The following SRM variants were observed in gnomAD, a reference collection of about 807,000 sequenced individuals.
The protein encoded by SRM is spermidine synthase.
Under a neutral mutation model 39.3 loss-of-function variants are expected in SRM, and 14 were observed. The observed-to-expected ratio is 0.36, with a 90% CI of 0.24 to 0.56. The LOEUF (loss-of-function observed/expected upper bound fraction) is 0.56. SRM is among the 20% of genes least tolerant of loss of function. The pLI, the probability that SRM is intolerant of heterozygous loss-of-function variation, is 0.86. For missense variants in SRM, 244 were observed against 409.2 expected, an observed-to-expected ratio of 0.60 and a Z score of 3.48; for synonymous variants, 195 against 173.1, an observed-to-expected ratio of 1.13 and a Z score of -0.99.
At chr1:11,057,847 C>T (rs529260621) in intron 3 of SRM, among the ~76,000 whole-genome samples, 7 of 152,070 alleles carry the variant, frequency 4.6e-5, no homozygotes, top group African/African-American at 9.6e-5. Context: ...GGCGAGATCT[C>T]GGTTCATTGC....
intron 6 of SRM, 33 bp from the exon 7 acceptor site, chr1:11,055,117 G>T: frequency 1.3e-6 from 2 of 1,543,700 alleles, no homozygotes; most frequent in South Asian, 1.2e-5. Context: ...ATCAGGGGGG[G>T]CACTTTTTTT....
At chr1:11,059,434 T>C (rs531358368) in intron 1 of SRM, 89 bp from the exon 2 acceptor site, 3 of 1,573,226 alleles carry the variant, frequency 1.9e-6, no homozygotes, top group African/African-American at 1.3e-5. Flanking sequence ...GGTCTCCCCA[T>C]CCCGCCTAGG....
rs545057836 is a variant in SRM, at chr1:11,059,162, A to G, written c.288+63T>C. ...ACAACCATGCAGGCAGCATCTGGGAAGAGCCCGGAGCACACCTGGGGCCGC... is the reference window on the plus strand; with the variant it reads ...ACAACCATGCAGGCAGCATCTGGGAGGAGCCCGGAGCACACCTGGGGCCGC... On this transcript the variant is annotated intron_variant, in intron 2 of 7. Coordinates refer to ENST00000376957, the MANE Select transcript of SRM (RefSeq NM_003132.3). 53 of 1,606,996 alleles carry G rather than the reference A, an allele frequency of 3.3e-5. 1 individual carries two copies. The South Asian group carries it at 5.8e-4, about 18-fold the overall frequency.
chr1:11,054,814 G>A lies in SRM; in HGVS notation c.*51C>T, dbSNP rs77467436. The A allele has an allele frequency of 1.5e-3, 2,407 of 1,555,856 alleles. 32 individuals are homozygous for A. In the African/African-American group the frequency reaches 0.029, roughly 19 times the overall value. On this transcript the variant is annotated 3_prime_UTR_variant, in exon 8 of 8. Coordinates refer to ENST00000376957, the MANE Select transcript of SRM (RefSeq NM_003132.3). This position sits in a 1 kb window ranked among gnomAD's most constrained non-coding sequence, Gnocchi z 4.8. Reference sequence around the variant, plus strand: ...GGGGCTGGAGGGGCCGAGGCACCCCGCAGGCTCCAAGGTCCGAGGTCCTGG... The same window carrying A: ...GGGGCTGGAGGGGCCGAGGCACCCCACAGGCTCCAAGGTCCGAGGTCCTGG...
At chr1:11,056,474 T>G in intron 4 of SRM, 130 bp downstream of exon 4, 8 of 1,174,638 alleles carry the variant, frequency 6.8e-6, no homozygotes, top group African/African-American at 1.5e-5. Flanking sequence ...AGGTAACAAA[T>G]GAGAAGGGAA....
rs1437058238 is a variant in SRM at position 11,056,496 on chromosome 1, T to G, written c.535+108A>C. On this transcript the variant is annotated intron_variant, in intron 4 of 7. Coordinates refer to ENST00000376957, the MANE Select transcript of SRM (RefSeq NM_003132.3). ...AAATGAGAAGGGAAAAGTACAGCTC[T>G]AGTTCGGGGGGTGGGAGGCCGCTCT... The G allele has an allele frequency of 4.4e-6, 6 of 1,353,502 alleles. No individual in the cohort carries two copies. The African/African-American group carries it at 8.7e-5, about 20-fold the overall frequency. 83.8% of individuals were successfully genotyped at this position (1,353,502 alleles called of 1,614,324 possible). A position where few individuals can be genotyped will look rare whatever the true frequency, so the allele number is the denominator to read the frequency against.
At chr1:11,055,749 C>A in intron 6 of SRM, 32 bp downstream of exon 6, 2 of 1,507,930 alleles carry the variant, frequency 1.3e-6, no homozygotes, top group Non-Finnish European at 1.8e-6. Flanking sequence ...CACCTTCCCC[C>A]CAACCCCCAC....
chr1:11,059,386 G>C (rs1028353678), intron 1 of SRM, 41 bp from the exon 2 acceptor site: 2 of 1,607,140 alleles, frequency 1.2e-6, no homozygotes, highest in Non-Finnish European at 8.5e-7. Flanking sequence ...GTTCTCTGGG[G>C]TGGGGAAAAC....
intron 3 of SRM, 47 bp downstream of exon 3, chr1:11,058,753 C>A (rs751607419): frequency 6.6e-7 from 1 of 1,521,502 alleles, no homozygotes; most frequent in South Asian, 1.3e-5. Context: ...GCACAGCTGG[C>A]CGCTGGGAGA....
In SRM at chr1:11,057,255, C is replaced by G. The variant is rs368698904; in HGVS notation, c.382-498G>C. On this transcript the variant is annotated intron_variant, in intron 3 of 7. Coordinates refer to ENST00000376957, the MANE Select transcript of SRM (RefSeq NM_003132.3). ...GCTCCTGCCGGCGGCTTGGGCTCCT[C>G]TCTCCCATCCCTACCCCCTCCTTCC... Among the ~76,000 whole-genome samples the G allele has an allele frequency of 3.8e-3, 582 of 152,182 alleles. 9 individuals are homozygous for G. Among genetic ancestry groups the G allele is most frequent in the African/African-American group, 0.013 (552 of 41,520 alleles).
At chr1:11,057,469 T>A (rs1043064019) in intron 3 of SRM, among the ~76,000 whole-genome samples, 13 of 149,292 alleles carry the variant, frequency 8.7e-5, no homozygotes, top group African/African-American at 1.5e-4. Flanking sequence ...ATTTTTTTTT[T>A]TTTTTTTTTA....
chr1:11,056,886 ATT>A, intron 3 of SRM, 129 bp from the exon 4 acceptor site: 3 of 891,774 alleles, frequency 3.4e-6, no homozygotes, highest in Non-Finnish European at 5.0e-6. Context: ...TTTTTTTATT[ATT>A]TTTTTTTGAG....
At chr1:11,056,305 C>G (rs148807883) in intron 4 of SRM, among the ~76,000 whole-genome samples, 1 of 152,162 alleles carries the variant, frequency 6.6e-6, no homozygotes, top group Admixed American at 6.5e-5. Context: ...AACCTGCCCC[C>G]ACTCCAGTGC....
chr1:11,057,443 G>A (rs917566814), intron 3 of SRM, among the ~76,000 whole-genome samples: 3 of 148,442 alleles, frequency 2.0e-5, no homozygotes, highest in Non-Finnish European at 3.0e-5. Flanking sequence ...ACAGGCGCAC[G>A]CCACCAAGCT....
At chr1:11,058,549 G>A (rs1271584585) in intron 3 of SRM, among the ~76,000 whole-genome samples, 5 of 133,882 alleles carry the variant, frequency 3.7e-5, no homozygotes, top group East Asian at 2.2e-4. Flanking sequence ...CAACAAGAGC[G>A]AAACTCTGTC....
intron 3 of SRM, chr1:11,058,565 A>T (rs1638920486): frequency 3.1e-6 from 1 of 319,102 alleles, no homozygotes; most frequent in Non-Finnish European, 5.7e-6. Flanking sequence ...CTGTCTCAAA[A>T]AAAAAAAAAA....
At chr1:11,058,609 C>T (rs1570768348) in intron 3 of SRM, 191 bp downstream of exon 3, 1 of 471,022 alleles carries the variant, frequency 2.1e-6, no homozygotes, top group East Asian at 3.4e-5. Context: ...TAAGAGCTCG[C>T]CACGCAGGTG....
intron 2 of SRM, 29 bp from the exon 3 acceptor site, chr1:11,058,921 GC>G (rs758513197): frequency 6.3e-7 from 1 of 1,576,104 alleles, no homozygotes; most frequent in South Asian, 1.2e-5. Context: ...CAAGGCAGGG[GC>G]CCTGGCAGGA....
rs777795855 is a variant in SRM at position 11,056,667 on chromosome 1, C to G, written c.472G>C (p.Glu158Gln). The change falls in exon 4 of 8, where the codon GAG becomes CAG. Residue 158 changes from glutamate to glutamine, a missense_variant. By Grantham distance (29) the Glu-to-Gln change is conservative (BLOSUM62 2). Transcript: ENST00000376957. ...KLTLHVGDGF[E>Q]FMKQNQDAFD... ...GCATCCTGATTCTGTTTCATGAACT[C>G]AAAACCGTCACCCACATGTAGGGTC... 2 of 1,614,030 alleles carry G rather than the reference C, an allele frequency of 1.2e-6. No homozygotes were observed. Among genetic ancestry groups the G allele is most frequent in the African/African-American group, 2.7e-5 (2 of 74,914 alleles).
Sources: allele counts gnomAD v4.1 joint callset (sites outside exome capture counted in the v4.1 genomes callset), GRCh38; gene constraint gnomAD v4.1.1; non-coding constraint Gnocchi (gnomAD v3.1); transcripts MANE v1.5; gene names NCBI Gene and HGNC (gene_info 2026-07-23, HGNC 2026-07-21).